Variants in WDR72 observed in about 807,000 individuals in gnomAD.
WDR72 encodes WD repeat domain 72.
WDR72 carries 120 observed loss-of-function variants against 124.2 expected under a neutral mutation model. That is an observed-to-expected ratio of 0.97 (90% CI 0.83 to 1.12). WDR72 has a LOEUF of 1.12. WDR72 is among the 50% of genes most tolerant of loss of function. WDR72 has a pLI of 0.00. For synonymous variants in WDR72, 452 were observed against 441.7 expected, an observed-to-expected ratio of 1.02 and a Z score of -0.29; for missense variants, 1,387 against 1,278.8, an observed-to-expected ratio of 1.08 and a Z score of -1.29.
At chr15:53,699,616 G>T in intron 13 of WDR72, 134 bp downstream of exon 13, 1 of 897,918 alleles carries the variant, frequency 1.1e-6, no homozygotes, top group Non-Finnish European at 1.7e-6. Context: ...TTTAACTGAA[G>T]CCATTAAATG....
At chr15:53,683,665 T>C (rs1428390656) in intron 13 of WDR72, among the ~76,000 whole-genome samples, 12 of 152,108 alleles carry the variant, frequency 7.9e-5, no homozygotes, top group East Asian at 1.9e-4. Context: ...ACACAGAATA[T>C]AGTGAATATT....
At chr15:53,612,255 C>G (rs948365098) in intron 16 of WDR72, among the ~76,000 whole-genome samples, 1 of 152,094 alleles carries the variant, frequency 6.6e-6, no homozygotes, top group African/African-American at 2.4e-5. Context: ...ACCAGGGACA[C>G]AGCAATGAAT....
chr15:53,731,080 T>A (rs557545), intron 2 of WDR72, among the ~76,000 whole-genome samples: 5,470 of 152,276 alleles, frequency 0.036, 334 homozygotes, highest in African/African-American at 0.13. Flanking sequence ...CTTCTTTGTG[T>A]AATTAACTTT....
intron 13 of WDR72, among the ~76,000 whole-genome samples, chr15:53,691,531 G>A (rs56382237): frequency 0.027 from 4,103 of 152,066 alleles, 99 homozygotes; most frequent in East Asian, 0.069. Context: ...TTTAAATTTT[G>A]TAAACTTCAT....
At chr15:53,695,515 A>T (rs1016461195) in intron 13 of WDR72, among the ~76,000 whole-genome samples, 2 of 152,218 alleles carry the variant, frequency 1.3e-5, no homozygotes, top group Non-Finnish European at 2.9e-5. Flanking sequence ...TGACATCTGC[A>T]ATATTTTCCT....
chr15:53,546,321 A>G (rs1246678276), intron 18 of WDR72, among the ~76,000 whole-genome samples: 2 of 152,106 alleles, frequency 1.3e-5, no homozygotes. Flanking sequence ...ACACCATGGA[A>G]TACTATGCAG....
chr15:53,540,325 C>T (rs1307022827), intron 18 of WDR72, among the ~76,000 whole-genome samples: 2 of 152,110 alleles, frequency 1.3e-5, no homozygotes, highest in Non-Finnish European at 2.9e-5. Context: ...GCACATGAAA[C>T]ATTTACCAAA....
At chr15:53,566,298 T>C (rs1894292701) in intron 18 of WDR72, among the ~76,000 whole-genome samples, 1 of 151,944 alleles carries the variant, frequency 6.6e-6, no homozygotes, top group African/African-American at 2.4e-5. Flanking sequence ...TCAGAGCAAG[T>C]GGTTTTAGCC....
intron 16 of WDR72, among the ~76,000 whole-genome samples, chr15:53,611,798 C>T (rs1906399): frequency 0.14 from 21,489 of 151,768 alleles, 2,400 homozygotes; most frequent in African/African-American, 0.31. Flanking sequence ...GTTGTTTTTA[C>T]ATTAAATGAG....
chr15:53,582,258 T>A (rs1181036177), intron 18 of WDR72, among the ~76,000 whole-genome samples: 2 of 152,024 alleles, frequency 1.3e-5, no homozygotes, highest in African/African-American at 2.4e-5. Flanking sequence ...AGTAAAGTTA[T>A]TTTTTAAATC....
chr15:53,702,467 T>C (rs2017213655), intron 11 of WDR72, 113 bp from the exon 12 acceptor site: 3 of 859,590 alleles, frequency 3.5e-6, no homozygotes, highest in South Asian at 3.2e-5. Context: ...AATTAAAGCA[T>C]GCACTTGGCT....
chr15:53,552,902 TCCTG>T (rs1395510935), intron 18 of WDR72, among the ~76,000 whole-genome samples: 3 of 152,110 alleles, frequency 2.0e-5, no homozygotes, highest in Admixed American at 6.6e-5. Context: ...AAGTATTAGT[TCCTG>T]TGCAGCCCAG....
chr15:53,707,197 G>A (rs1199753372), intron 9 of WDR72, among the ~76,000 whole-genome samples: 1 of 152,134 alleles, frequency 6.6e-6, no homozygotes, highest in Non-Finnish European at 1.5e-5. Flanking sequence ...TTAAGGTCTG[G>A]ATTTAGACAC....
intron 18 of WDR72, among the ~76,000 whole-genome samples, chr15:53,572,803 C>G (rs544754948): frequency 6.6e-6 from 1 of 152,274 alleles, no homozygotes; most frequent in East Asian, 1.9e-4. Flanking sequence ...CCAGTTACTG[C>G]CCTCTGGGAA....
Position 53,652,868 on chromosome 15 carries a change from C to T in WDR72, c.1962+12704G>A, listed in dbSNP as rs184202308. ...ACCTTACCCAAAGTGAATCATTTCT[C>T]CCTAATATGCTGGGCATACTAAGTT... On this transcript the variant is annotated intron_variant, in intron 14 of 19. Coordinates refer to ENST00000360509, the MANE Select transcript of WDR72 (RefSeq NM_182758.4). 2.0e-5 allele frequency among the ~76,000 whole-genome samples: 3 copies of T among 152,256 alleles called. No homozygotes were observed. In the East Asian group the frequency reaches 5.8e-4, roughly 29 times the overall value.
At chr15:53,545,583 C>G (rs1232135549) in intron 18 of WDR72, among the ~76,000 whole-genome samples, 5 of 151,828 alleles carry the variant, frequency 3.3e-5, no homozygotes, top group Non-Finnish European at 7.4e-5. Context: ...TAGGCATTAC[C>G]ATTCAGGACA....
intron 18 of WDR72, among the ~76,000 whole-genome samples, chr15:53,548,148 A>T (rs529211999): frequency 6.6e-6 from 1 of 152,302 alleles, no homozygotes; most frequent in African/African-American, 2.4e-5. Context: ...CTTACTCCCT[A>T]TAGTAATTTA....
intron 9 of WDR72, among the ~76,000 whole-genome samples, chr15:53,710,063 T>C (rs2017488881): frequency 6.6e-6 from 1 of 152,186 alleles, no homozygotes; most frequent in African/African-American, 2.4e-5. Context: ...TTTTCAGGCT[T>C]CCTAGAATGT....
intron 14 of WDR72, among the ~76,000 whole-genome samples, chr15:53,632,383 TCA>T (rs1243051067): frequency 1.3e-5 from 2 of 151,986 alleles, no homozygotes. Flanking sequence ...TGCCTAGATC[TCA>T]GAGGCCATAT....
Sources: allele counts gnomAD v4.1 joint callset (sites outside exome capture counted in the v4.1 genomes callset), GRCh38; gene constraint gnomAD v4.1.1; transcripts MANE v1.5; gene names NCBI Gene and HGNC (gene_info 2026-07-23, HGNC 2026-07-21).